PLA2G4C: variants seen among roughly 807,000 people sequenced by gnomAD.
PLA2G4C encodes the protein cytosolic phospholipase A2 gamma.
Under a neutral mutation model 73.8 loss-of-function variants are expected in PLA2G4C, and 64 were observed. The ratio of observed to expected loss-of-function variants is 0.87; its 90% CI spans 0.71 to 1.07. The LOEUF (loss-of-function observed/expected upper bound fraction) is 1.07. PLA2G4C is among the 50% of genes least tolerant of loss of function. PLA2G4C has a pLI of 0.00. For missense variants in PLA2G4C, 622 were observed against 665.4 expected (o/e 0.93, Z 0.72); for synonymous variants, 254 against 252.1 (o/e 1.01, Z -0.07).
At chr19:48,080,462 A>G (rs1191573148) in intron 10 of PLA2G4C, among the ~76,000 whole-genome samples, 1 of 152,190 alleles carries the variant, frequency 6.6e-6, no homozygotes, top group Non-Finnish European at 1.5e-5. Flanking sequence ...CGTTCGATCC[A>G]GCAATCCCAC....
chr19:48,087,212 C>T (rs1169448659), intron 9 of PLA2G4C, among the ~76,000 whole-genome samples: 2 of 152,202 alleles, frequency 1.3e-5, no homozygotes, highest in Non-Finnish European at 2.9e-5. Flanking sequence ...TTTCTTTCAG[C>T]AGGGACACAG....
intron 9 of PLA2G4C, among the ~76,000 whole-genome samples, chr19:48,085,484 G>A (rs1214980510): frequency 6.6e-6 from 1 of 152,146 alleles, no homozygotes; most frequent in Non-Finnish European, 1.5e-5. Context: ...GTCAAGCTCT[G>A]GCCCATGCAG....
At chr19:48,064,012 A>G (rs565470767) in intron 13 of PLA2G4C, 1 of 152,270 alleles carries the variant, frequency 6.6e-6, no homozygotes, top group South Asian at 2.1e-4. Flanking sequence ...GTGTTACGGA[A>G]AGTAAGAGGA....
At chr19:48,087,528 C>T (rs11564560) in intron 9 of PLA2G4C, among the ~76,000 whole-genome samples, 4,204 of 152,246 alleles carry the variant, frequency 0.028, 153 homozygotes, top group African/African-American at 0.084. Flanking sequence ...AAGAGGTGCC[C>T]GTCTGATCTG....
intron 14 of PLA2G4C, among the ~76,000 whole-genome samples, chr19:48,058,616 A>C (rs1600156980): frequency 6.6e-6 from 1 of 152,084 alleles, no homozygotes; most frequent in Admixed American, 6.5e-5. Context: ...TCAGGAGTTC[A>C]AGACCAGCCT....
At position 48,110,759 on chromosome 19, in the gene PLA2G4C, C is replaced by A; in HGVS notation, c.-305G>T. On this transcript the variant is annotated 5_prime_UTR_variant, in exon 1 of 17. Transcript: ENST00000599921. The stretch of plus-strand genomic sequence containing the variant: ...ACCTGGAGGTAAAATGGCCCCTGCG[C>A]CTTTAAACAGCCCTCCTCGGCTTGT... 1 of 421,242 alleles carries A rather than the reference C, an allele frequency of 2.4e-6. No individual in the cohort carries two copies. Among genetic ancestry groups the A allele is most frequent in the Admixed American group, 4.4e-5 (1 of 22,562 alleles). 26.1% of individuals were successfully genotyped at this position (421,242 alleles called of 1,614,324 possible). A position where few individuals can be genotyped will look rare whatever the true frequency, so the allele number is the denominator to read the frequency against.
intron 14 of PLA2G4C, 93 bp from the exon 15 acceptor site, chr19:48,055,142 C>T: frequency 3.7e-6 from 4 of 1,094,260 alleles, no homozygotes. Context: ...GGGACCTCAG[C>T]TAACAGCCCA....
chr19:48,067,948 C>A, intron 12 of PLA2G4C, 62 bp from the exon 13 acceptor site: 2 of 1,161,398 alleles, frequency 1.7e-6, no homozygotes, highest in Non-Finnish European at 1.3e-6. Context: ...TCTGCCCCCA[C>A]CAAAGTCATA....
chr19:48,063,545 A>T (rs1968280108), intron 13 of PLA2G4C, among the ~76,000 whole-genome samples: 1 of 141,136 alleles, frequency 7.1e-6, no homozygotes, highest in African/African-American at 2.7e-5. Context: ...TAAAATGATA[A>T]GCCCCTCCCC....
chr19:48,068,828 C>T (rs34883669), intron 12 of PLA2G4C, among the ~76,000 whole-genome samples: 1,750 of 151,786 alleles, frequency 0.012, 11 homozygotes, highest in Non-Finnish European at 0.018. Context: ...GGTGAGAAGG[C>T]GGCCATCCCT....
chr19:48,052,686 G>C (rs1280530568), intron 16 of PLA2G4C, among the ~76,000 whole-genome samples: 1 of 152,184 alleles, frequency 6.6e-6, no homozygotes, highest in Non-Finnish European at 1.5e-5. Context: ...AACCAGCGCT[G>C]CTGATACCAT....
At chr19:48,055,388 AG>A (rs1474283851) in intron 14 of PLA2G4C, among the ~76,000 whole-genome samples, 1 of 93,946 alleles carries the variant, frequency 1.1e-5, no homozygotes, top group African/African-American at 5.1e-5. Flanking sequence ...TCATCTCTAC[AG>A]TATATATATA....
intron 14 of PLA2G4C, among the ~76,000 whole-genome samples, chr19:48,058,593 G>A (rs375935411): frequency 9.3e-4 from 141 of 151,892 alleles, no homozygotes; most frequent in African/African-American, 3.1e-3. Context: ...TGAGGTGGGC[G>A]GATCACCTGA....
chr19:48,077,886 A>T, intron 10 of PLA2G4C, 62 bp from the exon 11 acceptor site: 1 of 1,350,868 alleles, frequency 7.4e-7, no homozygotes, highest in Non-Finnish European at 1.0e-6. Context: ...TAGAAAATAC[A>T]GATTACCTGC....
chr19:48,064,515 C>T (rs1410772554), intron 13 of PLA2G4C, among the ~76,000 whole-genome samples: 2 of 151,218 alleles, frequency 1.3e-5, no homozygotes, highest in East Asian at 3.9e-4. Flanking sequence ...AGGAATGCGT[C>T]TGTTCTCAAG....
chr19:48,082,305 A>G (rs143778808), intron 10 of PLA2G4C, among the ~76,000 whole-genome samples: 9 of 152,080 alleles, frequency 5.9e-5, no homozygotes, highest in African/African-American at 1.9e-4. Context: ...TAATTAAAAT[A>G]TTGTACATGT....
chr19:48,100,157 T>C (rs997905041), intron 4 of PLA2G4C, among the ~76,000 whole-genome samples: 1 of 151,986 alleles, frequency 6.6e-6, no homozygotes, highest in African/African-American at 2.4e-5. Flanking sequence ...TATTAAAAGG[T>C]TTATATGTGA....
At chr19:48,067,006 G>A (rs1236295179) in intron 13 of PLA2G4C, among the ~76,000 whole-genome samples, 1 of 150,794 alleles carries the variant, frequency 6.6e-6, no homozygotes, top group Non-Finnish European at 1.5e-5. Context: ...TACATGAGTG[G>A]TGCAGGGATT....
Position 48,062,040 on chromosome 19 carries a change from G to A in PLA2G4C, c.1215C>T (p.His405=). Residue 405 remains histidine (H), a synonymous_variant, in exon 14 of 17, where the codon CAC becomes CAT. Transcript: ENST00000599921. ...CACTGAAGTCGAAGGAGAGGATGAG[G>A]TGAACCTCCCGCGTCGGGGGCAGCA... ...PLVLPPTREV[H]LILSFDFSAG... is the part of the protein sequence containing the mutation. 6.2e-7 allele frequency: 1 copy of A among 1,613,980 alleles called. No homozygotes were observed. Among genetic ancestry groups the A allele is most frequent in the South Asian group, 1.1e-5 (1 of 91,080 alleles).
Sources: allele counts gnomAD v4.1 joint callset (sites outside exome capture counted in the v4.1 genomes callset), GRCh38; gene constraint gnomAD v4.1.1; transcripts MANE v1.5; gene names NCBI Gene and HGNC (gene_info 2026-07-23, HGNC 2026-07-21).